The following EEPD1 variants were observed in gnomAD, a reference collection of about 807,000 sequenced individuals.
The protein encoded by EEPD1 is endonuclease/exonuclease/phosphatase family domain containing 1.
A neutral mutation model predicts 46.3 loss-of-function variants in EEPD1; 17 were observed. That is an observed-to-expected ratio of 0.37 (90% CI 0.25 to 0.55). EEPD1 has a LOEUF of 0.55. Ranked by LOEUF, EEPD1 falls within the 20% of genes least tolerant of loss-of-function variation. The pLI is 0.83. For missense variants in EEPD1, 673 were observed against 745.6 expected, an observed-to-expected ratio of 0.90 and a Z score of 1.13; for synonymous variants, 313 against 315.6, an observed-to-expected ratio of 0.99 and a Z score of 0.09.
At chr7:36,287,898 A>G in intron 6 of EEPD1, 121 bp downstream of exon 6, 1 of 1,404,754 alleles carries the variant, frequency 7.1e-7, no homozygotes, top group Non-Finnish European at 9.7e-7. Context: ...TCGCGGGTAC[A>G]GGGGACAGTC....
chr7:36,231,054 G>A (rs930025164), intron 2 of EEPD1: 4 of 152,130 alleles, frequency 2.6e-5, no homozygotes, highest in African/African-American at 9.7e-5. Context: ...TATAGTTGAG[G>A]GTTTATCCTT....
At chr7:36,199,581 G>A (rs1785677873) in intron 2 of EEPD1, among the ~76,000 whole-genome samples, 1 of 152,150 alleles carries the variant, frequency 6.6e-6, no homozygotes. Context: ...AGAGCCTTGA[G>A]GTCAACAGTG....
intron 3 of EEPD1, among the ~76,000 whole-genome samples, chr7:36,240,008 G>A (rs541459670): frequency 4.9e-4 from 75 of 152,342 alleles, no homozygotes; most frequent in Non-Finnish European, 9.4e-4. Flanking sequence ...AGGTGAGGTG[G>A]CTCTGCCTGT....
At chr7:36,272,503 G>GTTTTTTTTTTTT (rs768898390) in intron 3 of EEPD1, among the ~76,000 whole-genome samples, 5 of 122,664 alleles carry the variant, frequency 4.1e-5, no homozygotes, top group Middle Eastern at 4.2e-3. Context: ...GTTTTTTGTT[G>GTTTTTTTTTTTT]TTGTTTTTTT....
rs767527635 is a variant in EEPD1, at chr7:36,299,104, C to A, written c.1608C>A (p.Ala536=). The part of the protein sequence containing the change: ...GVASEHCPVL[A]EFYTEKDWSK... ...CTTCTGAACACTGCCCAGTGCTAGCCGAGTTCTACACTGAAAAGGACTGGA... is the reference window on the plus strand; with the variant it reads ...CTTCTGAACACTGCCCAGTGCTAGCAGAGTTCTACACTGAAAAGGACTGGA... The change falls in exon 8 of 8, where the codon GCC becomes GCA. Residue 536 remains alanine, a synonymous_variant. Coordinates refer to ENST00000242108, the MANE Select transcript of EEPD1 (RefSeq NM_030636.3). 3.1e-6 allele frequency: 5 copies of A among 1,611,418 alleles called. No homozygotes were observed. The highest frequency in any genetic ancestry group is 4.2e-6 in the Non-Finnish European group (5 of 1,177,888).
At chr7:36,181,240 C>G (rs1318594389) in intron 2 of EEPD1, among the ~76,000 whole-genome samples, 1 of 152,070 alleles carries the variant, frequency 6.6e-6, no homozygotes, top group Non-Finnish European at 1.5e-5. Flanking sequence ...ACCCGCCACA[C>G]CCCACTGCCT....
At position 36,250,366 on chromosome 7, in the gene EEPD1, A is replaced by T. The variant is rs143436038; in HGVS notation, c.930+11330A>T. On this transcript the variant is annotated intron_variant, in intron 3 of 7. Transcript: ENST00000242108. ...GGAGCAGGAGGAAGGGACTAGAGGG[A>T]TGGAGGTGCACAAGGCTAGAAGGGT... Among the ~76,000 whole-genome samples, 489 of 152,290 alleles carry T rather than the reference A, an allele frequency of 3.2e-3. 3 individuals carry two copies. The highest frequency in any genetic ancestry group is 0.017 in the Middle Eastern group (5 of 294).
chr7:36,218,272 G>GT (rs1786068062), intron 2 of EEPD1, among the ~76,000 whole-genome samples: 1 of 151,868 alleles, frequency 6.6e-6, no homozygotes. Flanking sequence ...CCTATATACT[G>GT]TTTTTTCCTA....
chr7:36,276,003 A>G (rs1787177355), intron 3 of EEPD1, among the ~76,000 whole-genome samples: 1 of 152,206 alleles, frequency 6.6e-6, no homozygotes, highest in Admixed American at 6.5e-5. Flanking sequence ...GCATTTCTAA[A>G]TGCCAGCACC....
chr7:36,244,107 TTA>T (rs1483397056), intron 3 of EEPD1, among the ~76,000 whole-genome samples: 1 of 152,012 alleles, frequency 6.6e-6, no homozygotes. Flanking sequence ...AAAAAAGGGC[TTA>T]GTTAGACACA....
At position 36,218,099 on chromosome 7, in the gene EEPD1, G is replaced by A. The variant is rs553537956; in HGVS notation, c.879-20886G>A. 1.2e-3 allele frequency among the ~76,000 whole-genome samples: 176 copies of A among 152,300 alleles called. 2 individuals carry two copies. The highest frequency in any genetic ancestry group is 3.9e-3 in the African/African-American group (162 of 41,540). ...GCAGTAAGCCTGGCTGGGCAGAAAC[G>A]ATACTCTGATTGTTATTAAGAACTG... On this transcript the variant is annotated intron_variant, in intron 2 of 7. Transcript: ENST00000242108.
intron 2 of EEPD1, among the ~76,000 whole-genome samples, chr7:36,235,830 A>G (rs1031520529): frequency 1.2e-4 from 19 of 152,302 alleles, no homozygotes; most frequent in African/African-American, 3.6e-4. Context: ...AAAATTTAGC[A>G]TTTTAACTCT....
chr7:36,295,711 T>C (rs2115902112), intron 6 of EEPD1, among the ~76,000 whole-genome samples: 1 of 152,174 alleles, frequency 6.6e-6, no homozygotes, highest in East Asian at 1.9e-4. Context: ...GGCCATAGTT[T>C]TTCATGAGGA....
chr7:36,217,753 A>G (rs1272978270), intron 2 of EEPD1, among the ~76,000 whole-genome samples: 1 of 152,124 alleles, frequency 6.6e-6, no homozygotes, highest in East Asian at 1.9e-4. Flanking sequence ...ACAGGGAGAG[A>G]GGGGGGATTG....
intron 3 of EEPD1, among the ~76,000 whole-genome samples, chr7:36,272,506 G>GTTTTTT (rs111825287): frequency 1.5e-5 from 2 of 130,526 alleles, no homozygotes; most frequent in East Asian, 2.3e-4. Flanking sequence ...TTTTGTTGTT[G>GTTTTTT]TTTTTTTTTT....
In EEPD1 at chr7:36,153,256, C is replaced by G. The variant is rs1583772902; in HGVS notation, c.-611C>G. On this transcript the variant is annotated 5_prime_UTR_variant, in exon 1 of 8. Coordinates refer to ENST00000242108, the MANE Select transcript of EEPD1 (RefSeq NM_030636.3). ...GCGGCGCGGCGCGGCGCGGCCGGGA[C>G]TTTGGCTTTGACACCGACTGCGAGC... 1 of 152,800 alleles carries G rather than the reference C, an allele frequency of 6.5e-6. No individual in the cohort carries two copies. The highest frequency in any genetic ancestry group is 1.5e-5 in the Non-Finnish European group (1 of 68,560). 9.5% of individuals were successfully genotyped at this position (152,800 alleles called of 1,614,324 possible).
intron 2 of EEPD1, among the ~76,000 whole-genome samples, chr7:36,180,298 C>T (rs1288018147): frequency 6.6e-6 from 1 of 152,168 alleles, no homozygotes; most frequent in Non-Finnish European, 1.5e-5. Context: ...GATGTCCCAT[C>T]CCATTGTGTC....
chr7:36,159,255 G>A (rs572511315), intron 2 of EEPD1, among the ~76,000 whole-genome samples: 9 of 152,326 alleles, frequency 5.9e-5, no homozygotes, highest in Middle Eastern at 3.4e-3. Context: ...ATTAGTTTGT[G>A]TGGCCCAGCC....
intron 2 of EEPD1, among the ~76,000 whole-genome samples, chr7:36,237,763 C>T (rs1283255510): frequency 6.6e-6 from 1 of 152,082 alleles, no homozygotes; most frequent in Non-Finnish European, 1.5e-5. Context: ...CCCGCCTGGC[C>T]AACATGGTGA....
Sources: gnomAD v4.1 joint callset for allele counts (sites outside exome capture counted in the v4.1 genomes callset) on GRCh38, gnomAD v4.1.1 for gene constraint, MANE v1.5 for transcripts, NCBI Gene and HGNC (gene_info 2026-07-23, HGNC 2026-07-21) for gene names.